The following CLSTN2 variants were observed in gnomAD, a reference collection of about 807,000 sequenced individuals.
CLSTN2 encodes calsyntenin 2, also known as calsyntenin-2.
In CLSTN2, 48 loss-of-function variants were observed where a neutral mutation model predicts 101.2. The observed-to-expected ratio is 0.47, with a 90% CI of 0.38 to 0.60. The LOEUF (loss-of-function observed/expected upper bound fraction) is 0.60. CLSTN2 is among the 20% of genes least tolerant of loss of function. The pLI is 0.00. For missense variants in CLSTN2, 1,160 were observed against 1,238.2 expected (o/e 0.94, Z 0.95); for synonymous variants, 481 against 463.6 (o/e 1.04, Z -0.48).
intron 4 of CLSTN2, among the ~76,000 whole-genome samples, chr3:140,414,031 A>G (rs1475687061): frequency 6.6e-6 from 1 of 152,118 alleles, no homozygotes; most frequent in Non-Finnish European, 1.5e-5. Context: ...TCAACATAGT[A>G]CTGAAAGTTC....
chr3:140,207,527 AATAAG>A (rs1326461732), intron 2 of CLSTN2, among the ~76,000 whole-genome samples: 2 of 152,328 alleles, frequency 1.3e-5, no homozygotes, highest in Admixed American at 1.3e-4. Context: ...TTAAAAATTA[AATAAG>A]ATGACATTTG....
At chr3:140,241,455 G>A (rs1345624009) in intron 2 of CLSTN2, among the ~76,000 whole-genome samples, 4 of 152,094 alleles carry the variant, frequency 2.6e-5, no homozygotes. Flanking sequence ...GAAGATCGTG[G>A]AGAATAAACA....
chr3:140,046,138 G>T (rs558251244), intron 1 of CLSTN2, among the ~76,000 whole-genome samples: 112 of 152,280 alleles, frequency 7.4e-4, no homozygotes, highest in African/African-American at 2.6e-3. Context: ...TTATTATTGT[G>T]TGGGAGTCTA....
rs369480811 is a variant in CLSTN2, at chr3:140,117,157, C to A, written c.110-58794C>A. ...AGTTCTGCTCAGGCATCCTCCTTCC[C>A]TCAGGGCAGTTAGCATTCCTCTGCC... On this transcript the variant is annotated intron_variant, in intron 1 of 16. Transcript: ENST00000458420. Among the ~76,000 whole-genome samples, 7 of 152,270 alleles carry A rather than the reference C, an allele frequency of 4.6e-5. No homozygotes were observed. In the South Asian group the frequency reaches 1.2e-3, roughly 27 times the overall value.
At chr3:140,501,605 C>A (rs1350586442) in intron 8 of CLSTN2, among the ~76,000 whole-genome samples, 3 of 152,210 alleles carry the variant, frequency 2.0e-5, no homozygotes, top group Non-Finnish European at 2.9e-5. Context: ...GATTATGTAA[C>A]TGAGCCACAG....
chr3:140,049,246 G>A (rs370134569), intron 1 of CLSTN2, among the ~76,000 whole-genome samples: 155 of 152,262 alleles, frequency 1.0e-3, no homozygotes, highest in South Asian at 3.1e-3. Flanking sequence ...TGACTTCTTC[G>A]TCTTCCTGAA....
chr3:140,406,423 C>G (rs1288909133), intron 4 of CLSTN2, among the ~76,000 whole-genome samples: 1 of 152,180 alleles, frequency 6.6e-6, no homozygotes, highest in Non-Finnish European at 1.5e-5. Flanking sequence ...AAGACAATTA[C>G]ATACCTGGAT....
chr3:140,044,897 A>T (rs1186713869), intron 1 of CLSTN2, among the ~76,000 whole-genome samples: 6 of 152,260 alleles, frequency 3.9e-5, no homozygotes, highest in Admixed American at 2.6e-4. Flanking sequence ...ATCATGGTGG[A>T]TAAGCTTTTT....
intron 2 of CLSTN2, among the ~76,000 whole-genome samples, chr3:140,276,192 G>A (rs2086793133): frequency 6.6e-6 from 1 of 152,190 alleles, no homozygotes; most frequent in African/African-American, 2.4e-5. Flanking sequence ...AGATGTGAAA[G>A]GTAGAGGCTG....
At chr3:140,240,003 A>G (rs149978352) in intron 2 of CLSTN2, among the ~76,000 whole-genome samples, 3,206 of 150,378 alleles carry the variant, frequency 0.021, 65 homozygotes, top group South Asian at 0.049. Context: ...ATATCATTGC[A>G]GAGGGCAGGA....
At chr3:140,269,578 A>G (rs2086723184) in intron 2 of CLSTN2, among the ~76,000 whole-genome samples, 1 of 152,236 alleles carries the variant, frequency 6.6e-6, no homozygotes, top group Non-Finnish European at 1.5e-5. Flanking sequence ...GCACATTGGT[A>G]GAACTGGAGG....
intron 1 of CLSTN2, among the ~76,000 whole-genome samples, chr3:140,008,511 G>A (rs759836395): frequency 3.9e-5 from 6 of 152,220 alleles, no homozygotes; most frequent in South Asian, 2.1e-4. Context: ...GGCCTGGGAC[G>A]CTATGTGGGA....
chr3:139,966,788 GCCTATGGCTGAATTAT>G (rs1375653050), intron 1 of CLSTN2, among the ~76,000 whole-genome samples: 1 of 152,170 alleles, frequency 6.6e-6, no homozygotes, highest in Non-Finnish European at 1.5e-5. Flanking sequence ...GCTGAGTCAG[GCCTATGGCTGAATTAT>G]CTTTTGGGTC....
At chr3:140,319,210 T>G (rs1224347302) in intron 2 of CLSTN2, among the ~76,000 whole-genome samples, 3 of 152,168 alleles carry the variant, frequency 2.0e-5, no homozygotes, top group Non-Finnish European at 4.4e-5. Flanking sequence ...ATGTCTTGTT[T>G]CATACTACAA....
At chr3:139,986,274 G>A (rs1936018283) in intron 1 of CLSTN2, among the ~76,000 whole-genome samples, 2 of 152,260 alleles carry the variant, frequency 1.3e-5, no homozygotes, top group South Asian at 4.1e-4. Context: ...TTTGCTGTGA[G>A]TCATTACCAT....
chr3:140,481,250 T>G (rs1315409347), intron 8 of CLSTN2, among the ~76,000 whole-genome samples: 2 of 152,192 alleles, frequency 1.3e-5, no homozygotes, highest in Admixed American at 1.3e-4. Context: ...AAAGATCAGA[T>G]AGTTGTAGAT....
chr3:140,021,232 G>A (rs1246303660), intron 1 of CLSTN2, among the ~76,000 whole-genome samples: 2 of 152,128 alleles, frequency 1.3e-5, no homozygotes, highest in African/African-American at 4.8e-5. Context: ...ACACTCTTAA[G>A]TACTCTGAGT....
Position 140,536,173 on chromosome 3 carries a change from G to A in CLSTN2, c.1507+3687G>A, listed in dbSNP as rs971341202. On this transcript the variant is annotated intron_variant, in intron 9 of 16. Transcript: ENST00000458420. ...CAGCCTTGCCATCTACTAGCTGTAC[G>A]GACCCAGCAGTATCCTTAACTTCCT... is the stretch of plus-strand genomic sequence containing the variant. Among the ~76,000 whole-genome samples the A allele has an allele frequency of 3.9e-5, 6 of 152,012 alleles. No individual in the cohort carries two copies. In the East Asian group the frequency reaches 9.6e-4, roughly 24 times the overall value.
At chr3:140,071,365 C>T (rs544561491) in intron 1 of CLSTN2, among the ~76,000 whole-genome samples, 6 of 151,976 alleles carry the variant, frequency 3.9e-5, no homozygotes, top group Non-Finnish European at 8.8e-5. Context: ...AAATCCTGTT[C>T]AATACCTTTA....
Sources: gnomAD v4.1 joint callset for allele counts (sites outside exome capture counted in the v4.1 genomes callset) on GRCh38, gnomAD v4.1.1 for gene constraint, MANE v1.5 for transcripts, NCBI Gene and HGNC (gene_info 2026-07-23, HGNC 2026-07-21) for gene names.